The following CNTLN variants were observed in gnomAD, a reference collection of about 807,000 sequenced individuals.
The protein encoded by CNTLN is centlein, centrosomal protein.
Under a neutral mutation model 180.0 loss-of-function variants are expected in CNTLN, and 212 were observed. The ratio of observed to expected loss-of-function variants is 1.18; its 90% CI spans 1.05 to 1.32. The LOEUF (loss-of-function observed/expected upper bound fraction) is 1.32, where lower values mean the gene tolerates loss of function less well. Ranked by LOEUF, CNTLN falls within the 40% of genes most tolerant of loss-of-function variation. The pLI, the probability that CNTLN is intolerant of heterozygous loss-of-function variation, is 0.00. For missense variants in CNTLN, 2,095 were observed against 1,610.9 expected (o/e 1.30, Z -5.14); for synonymous variants, 722 against 563.1 (o/e 1.28, Z -3.99).
intron 2 of CNTLN, among the ~76,000 whole-genome samples, chr9:17,182,056 C>T (rs527496540): frequency 6.6e-6 from 1 of 152,228 alleles, no homozygotes; most frequent in Admixed American, 6.5e-5. Flanking sequence ...CTCTGAAATT[C>T]TTCTGGCAGC....
chr9:17,409,449 A>G lies in CNTLN; in HGVS notation c.2772A>G (p.Leu924=). The change falls in exon 16 of 26, where the codon TTA becomes TTG. Residue 924 remains leucine, a synonymous_variant. Coordinates refer to ENST00000380647, the MANE Select transcript of CNTLN (RefSeq NM_017738.4). ...GAAAAGAAATAGTACAGACATATTT[A>G]AATATAGATGGCAAGACCCCAAAGG... ...TQGKEIVQTY[L]NIDGKTPKDY... is the part of the protein sequence containing the mutation. The G allele has an allele frequency of 6.2e-7, 1 of 1,602,866 alleles. No homozygotes were observed. The highest frequency in any genetic ancestry group is 8.5e-7 in the Non-Finnish European group (1 of 1,177,156).
intron 23 of CNTLN, among the ~76,000 whole-genome samples, chr9:17,469,876 C>A (rs1381169025): frequency 6.6e-6 from 1 of 151,890 alleles, no homozygotes; most frequent in African/African-American, 2.4e-5. Context: ...TGACTGATTC[C>A]TTGTGCCTCA....
intron 1 of CNTLN, among the ~76,000 whole-genome samples, chr9:17,142,037 G>A (rs892847605): frequency 5.4e-5 from 8 of 149,282 alleles, no homozygotes; most frequent in African/African-American, 9.9e-5. Context: ...AGCCGAGATT[G>A]CGCCACTGCA....
intron 15 of CNTLN, among the ~76,000 whole-genome samples, chr9:17,398,295 G>A (rs899199996): frequency 6.6e-6 from 1 of 152,124 alleles, no homozygotes; most frequent in Non-Finnish European, 1.5e-5. Flanking sequence ...CTGGGTTTTT[G>A]AGAAAAGAAA....
chr9:17,470,246 C>T (rs1831982254), intron 23 of CNTLN, among the ~76,000 whole-genome samples: 1 of 151,772 alleles, frequency 6.6e-6, no homozygotes, highest in South Asian at 2.1e-4. Context: ...GACTTATAGT[C>T]ACTGCTCAAA....
chr9:17,381,739 T>C (rs761492102), intron 13 of CNTLN, among the ~76,000 whole-genome samples: 1 of 152,214 alleles, frequency 6.6e-6, no homozygotes, highest in Non-Finnish European at 1.5e-5. Context: ...TCAGCTGGGA[T>C]AACTGTGCTG....
At chr9:17,304,311 C>T (rs537752864) in intron 7 of CNTLN, among the ~76,000 whole-genome samples, 1 of 152,220 alleles carries the variant, frequency 6.6e-6, no homozygotes, top group South Asian at 2.1e-4. Flanking sequence ...CTAATGTGTT[C>T]TCTTCCTCTG....
intron 9 of CNTLN, among the ~76,000 whole-genome samples, chr9:17,331,658 A>G (rs889552150): frequency 5.9e-5 from 9 of 152,100 alleles, no homozygotes; most frequent in Admixed American, 3.3e-4. Flanking sequence ...AGTATTTAAA[A>G]TTTGAACCAT....
rs1443951114 is a variant in CNTLN, at chr9:17,499,075, A to C, written c.4120-3476A>C. 2.0e-5 allele frequency among the ~76,000 whole-genome samples: 3 copies of C among 152,190 alleles called. No homozygotes were observed. In the South Asian group the frequency reaches 6.2e-4, roughly 32 times the overall value. ...TGGCTCTCTTGTTCTTAGTGTTTTT[A>C]AAACATTTTGCACTCAAAAAAATAT... On this transcript the variant is annotated intron_variant, in intron 25 of 25. Coordinates refer to ENST00000380647, the MANE Select transcript of CNTLN (RefSeq NM_017738.4).
intron 18 of CNTLN, among the ~76,000 whole-genome samples, chr9:17,426,089 A>G (rs1829065516): frequency 6.6e-6 from 1 of 152,202 alleles, no homozygotes; most frequent in South Asian, 2.1e-4. Context: ...GAAATCAGGA[A>G]CAGAGATTGG....
At chr9:17,354,725 G>A (rs1822681144) in intron 12 of CNTLN, among the ~76,000 whole-genome samples, 1 of 152,078 alleles carries the variant, frequency 6.6e-6, no homozygotes, top group South Asian at 2.1e-4. Flanking sequence ...GATGTGGGTG[G>A]GGCCAGATAA....
At chr9:17,218,295 A>G (rs1162438109) in intron 2 of CNTLN, among the ~76,000 whole-genome samples, 2 of 152,186 alleles carry the variant, frequency 1.3e-5, no homozygotes, top group Non-Finnish European at 2.9e-5. Context: ...AAGTTTTTAC[A>G]TGAATTAAGA....
intron 2 of CNTLN, among the ~76,000 whole-genome samples, chr9:17,195,430 C>CT (rs144598738): frequency 0.019 from 2,835 of 152,006 alleles, 57 homozygotes; most frequent in African/African-American, 0.049. Flanking sequence ...TGTTTTTTTC[C>CT]TTTTTGATAT....
intron 15 of CNTLN, among the ~76,000 whole-genome samples, chr9:17,401,627 C>G (rs924185426): frequency 6.6e-6 from 1 of 151,714 alleles, no homozygotes; most frequent in African/African-American, 2.4e-5. Flanking sequence ...CCTGCCTTGG[C>G]CTCAGAAAGT....
intron 5 of CNTLN, among the ~76,000 whole-genome samples, chr9:17,256,786 A>T (rs1462053831): frequency 6.6e-6 from 1 of 151,696 alleles, no homozygotes; most frequent in East Asian, 1.9e-4. Context: ...GGATTTCTTT[A>T]TCCAGTTTTC....
chr9:17,168,144 A>G (rs1820203658), intron 2 of CNTLN: 2 of 152,218 alleles, frequency 1.3e-5, no homozygotes, highest in Admixed American at 6.5e-5. Context: ...AAGTTAGATA[A>G]TAAGGCATGT....
In CNTLN at chr9:17,502,474, G is replaced by C. The variant is rs41315983; in HGVS notation, c.4120-77G>C. On this transcript the variant is annotated intron_variant, in intron 25 of 25. Transcript: ENST00000380647. ...AGTTGCAGACATCTAACTTCTAATG[G>C]TTTAATAATATTTAGTATGTTTTTG... 1,222 of 679,848 alleles carry C rather than the reference G, an allele frequency of 1.8e-3. 5 individuals are homozygous for C. The highest frequency in any genetic ancestry group is 0.011 in the Middle Eastern group (27 of 2,450). The allele number at this position is 679,848 out of a possible 1,614,324, so 42.1% of individuals were successfully genotyped here. A position where few individuals can be genotyped will look rare whatever the true frequency, so the allele number is the denominator to read the frequency against.
At chr9:17,277,369 A>G (rs561465273) in intron 6 of CNTLN, among the ~76,000 whole-genome samples, 2 of 152,212 alleles carry the variant, frequency 1.3e-5, no homozygotes, top group African/African-American at 4.8e-5. Context: ...GGTTCAGAAA[A>G]TCTTCAGACA....
chr9:17,299,718 A>G (rs1818214666), intron 7 of CNTLN: 1 of 985,010 alleles, frequency 1.0e-6, no homozygotes, highest in African/African-American at 1.7e-5. Flanking sequence ...TTCCATTGCT[A>G]AAATGATTTG....
Sources: gnomAD v4.1 joint callset for allele counts (sites outside exome capture counted in the v4.1 genomes callset) on GRCh38, gnomAD v4.1.1 for gene constraint, MANE v1.5 for transcripts, NCBI Gene and HGNC (gene_info 2026-07-23, HGNC 2026-07-21) for gene names.